GLP1R: variants seen among roughly 807,000 people sequenced by gnomAD.
The protein encoded by GLP1R is glucagon like peptide 1 receptor.
GLP1R carries 32 observed loss-of-function variants against 68.4 expected under a neutral mutation model. That is an observed-to-expected ratio of 0.47 (90% confidence interval 0.35 to 0.63). The LOEUF is 0.63. GLP1R is among the 20% of genes least tolerant of loss of function. GLP1R has a pLI of 0.00. For missense variants in GLP1R, 502 were observed against 594.9 expected (o/e 0.84, Z 1.62); for synonymous variants, 263 against 244.4 (o/e 1.08, Z -0.71).
intron 12 of GLP1R, among the ~76,000 whole-genome samples, chr6:39,085,392 T>G (rs993615066): frequency 6.6e-6 from 1 of 152,126 alleles, no homozygotes; most frequent in Non-Finnish European, 1.5e-5. Context: ...GCCACATTCC[T>G]TCCTTCCCTC....
At position 39,058,996 on chromosome 6, in the gene GLP1R, C is replaced by A. The variant is rs1354836900; in HGVS notation, c.283+1417C>A. ...TCCTGGAGGAGGTGGCCTGGTGGGGCCCAATGTAAGCTTCACCTTGGCACG... is the reference window on the plus strand; with the variant it reads ...TCCTGGAGGAGGTGGCCTGGTGGGGACCAATGTAAGCTTCACCTTGGCACG... On this transcript the variant is annotated intron_variant, in intron 3 of 12. Coordinates refer to ENST00000373256, the MANE Select transcript of GLP1R (RefSeq NM_002062.5). Among the ~76,000 whole-genome samples the A allele has an allele frequency of 4.6e-5, 7 of 152,168 alleles. No individual in the cohort carries two copies. In the South Asian group the frequency reaches 6.2e-4, roughly 13 times the overall value.
intron 5 of GLP1R, among the ~76,000 whole-genome samples, chr6:39,068,677 C>T (rs989244322): frequency 1.9e-4 from 29 of 152,192 alleles, no homozygotes; most frequent in Non-Finnish European, 8.8e-5. Context: ...TGAGTTATAC[C>T]TGGGCCCACT....
rs1769258657 is a variant in GLP1R at position 39,090,623 on chromosome 6, A to T, written c.*4550A>T. 6.6e-6 allele frequency among the ~76,000 whole-genome samples: 1 copy of T among 152,288 alleles called. No individual in the cohort carries two copies. Among genetic ancestry groups the T allele is most frequent in the African/African-American group, 2.4e-5 (1 of 41,570 alleles). On this transcript the variant is annotated 3_prime_UTR_variant, in exon 13 of 13. Coordinates refer to ENST00000373256, the MANE Select transcript of GLP1R (RefSeq NM_002062.5). ...GGATGTGATGAGGAGCAGGGCAGCC[A>T]CCAGCTTGGATCCTAACTTACATTG...
chr6:39,081,470 G>T (rs1169432238), intron 12 of GLP1R, among the ~76,000 whole-genome samples: 1 of 152,206 alleles, frequency 6.6e-6, no homozygotes, highest in Non-Finnish European at 1.5e-5. Flanking sequence ...GAAAATGTCT[G>T]CAGGACAGCA....
chr6:39,076,426 TG>T (rs1414308465), intron 7 of GLP1R, among the ~76,000 whole-genome samples: 2 of 152,142 alleles, frequency 1.3e-5, no homozygotes, highest in African/African-American at 4.8e-5. Context: ...TAGAAATCAA[TG>T]GGCCAGGAGA....
chr6:39,060,040 G>A (rs1562006050), intron 3 of GLP1R, among the ~76,000 whole-genome samples: 1 of 152,000 alleles, frequency 6.6e-6, no homozygotes, highest in Admixed American at 6.6e-5. Flanking sequence ...TTGACACTTG[G>A]AATCACCGAC....
Position 39,086,813 on chromosome 6 carries a change from C to T in GLP1R, c.*740C>T, listed in dbSNP as rs10305516. The T allele has an allele frequency of 6.6e-6, 1 of 152,544 alleles. No individual in the cohort carries two copies. Among genetic ancestry groups the T allele is most frequent in the Non-Finnish European group, 1.5e-5 (1 of 68,032 alleles). The allele number at this position is 152,544 out of a possible 1,614,324, so 9.4% of individuals were successfully genotyped here. On this transcript the variant is annotated 3_prime_UTR_variant, in exon 13 of 13. Transcript: ENST00000373256. This position sits in a 1 kb window ranked among gnomAD's most constrained non-coding sequence, Gnocchi z 4.5. ...CTCTGCCATGCCCAGAGAATCAGGGCAGGCTTGCCACCGGGGAACCCAGCC... is the reference window on the plus strand; with the variant it reads ...CTCTGCCATGCCCAGAGAATCAGGGTAGGCTTGCCACCGGGGAACCCAGCC...
intron 1 of GLP1R, among the ~76,000 whole-genome samples, chr6:39,055,583 C>T (rs4714209): frequency 0.19 from 29,501 of 152,164 alleles, 3,601 homozygotes; most frequent in Non-Finnish European, 0.27. Context: ...AGAGGGATCC[C>T]TCCCATTGCA....
In GLP1R at chr6:39,079,237, G is replaced by T. The variant is rs1445189989; in HGVS notation, c.1043+37G>T. On this transcript the variant is annotated intron_variant, in intron 10 of 12. Coordinates refer to ENST00000373256, the MANE Select transcript of GLP1R (RefSeq NM_002062.5). This position sits in a 1 kb window ranked among gnomAD's most constrained non-coding sequence, Gnocchi z 4.5. ...GAGCTGGCTTTACTGAGGACCCTCA[G>T]CAAGTGCCCCTTTCCTTCTAGCAGA... 1 of 1,384,074 alleles carries T rather than the reference G, an allele frequency of 7.2e-7. No individual in the cohort carries two copies. Among genetic ancestry groups the T allele is most frequent in the Non-Finnish European group, 1.0e-6 (1 of 969,860 alleles). 85.7% of individuals were successfully genotyped at this position (1,384,074 alleles called of 1,614,324 possible).
chr6:39,088,904 G>A lies in GLP1R; in HGVS notation c.*2831G>A, dbSNP rs1386846220. ...TGGCTTGCCCAAGGTCACAACACTAGAGGGTGGTTGAGCTGGGCCAGGACC... is the reference window on the plus strand; with the variant it reads ...TGGCTTGCCCAAGGTCACAACACTAAAGGGTGGTTGAGCTGGGCCAGGACC... On this transcript the variant is annotated 3_prime_UTR_variant, in exon 13 of 13. Coordinates refer to ENST00000373256, the MANE Select transcript of GLP1R (RefSeq NM_002062.5). Among the ~76,000 whole-genome samples, 1 of 152,210 alleles carries A rather than the reference G, an allele frequency of 6.6e-6. No individual in the cohort carries two copies. The highest frequency in any genetic ancestry group is 1.5e-5 in the Non-Finnish European group (1 of 68,028).
At position 39,056,436 on chromosome 6, in the gene GLP1R, C is replaced by T. The variant is rs141990898; in HGVS notation, c.118C>T (p.Arg40Ter). ...VSLWETVQKW[R>*]EYRRQCQRSL... ...CCTCTGGGAGACGGTGCAGAAATGGCGAGAATACCGACGCCAGTGCCAGCG... is the reference window on the plus strand; with the variant it reads ...CCTCTGGGAGACGGTGCAGAAATGGTGAGAATACCGACGCCAGTGCCAGCG... Residue 40 changes from arginine (R) to a stop codon, truncating the protein, a stop_gained, in exon 2 of 13, where the codon CGA becomes TGA. Transcript: ENST00000373256. LOFTEE classifies it high-confidence loss of function. 12 of 1,610,186 alleles carry T rather than the reference C, an allele frequency of 7.5e-6. No homozygotes were observed. The highest frequency in any genetic ancestry group is 2.7e-5 in the African/African-American group (2 of 74,822).
intron 5 of GLP1R, among the ~76,000 whole-genome samples, chr6:39,071,070 G>C (rs1768647966): frequency 6.6e-6 from 1 of 152,036 alleles, no homozygotes; most frequent in African/African-American, 2.4e-5. Flanking sequence ...TCCTTGGCTG[G>C]GTGCGGTGGC....
chr6:39,078,340 T>G lies in GLP1R; in HGVS notation c.842T>G (p.Val281Gly). Residue 281 changes from valine to glycine, a missense_variant, in exon 8 of 13, where the codon GTT (valine) becomes GGT (glycine). Val to Gly is a moderately radical substitution (Grantham distance 109). Transcript: ENST00000373256. The stretch of plus-strand genomic sequence containing the variant: ...CTCTTAGGTGTTCCCCTGCTGTTTG[T>G]TGTCCCCTGGGGCATTGTCAAGTAC... Reference protein sequence around the residue: ...SIGWGVPLLFVVPWGIVKYLY... With the variant: ...SIGWGVPLLFGVPWGIVKYLY... 1.2e-6 allele frequency: 2 copies of G among 1,612,816 alleles called. No homozygotes were observed. Among genetic ancestry groups the G allele is most frequent in the Non-Finnish European group, 1.7e-6 (2 of 1,178,820 alleles).
At chr6:39,066,790 C>T (rs1768531461) in intron 5 of GLP1R, among the ~76,000 whole-genome samples, 2 of 152,068 alleles carry the variant, frequency 1.3e-5, no homozygotes, top group African/African-American at 2.4e-5. Flanking sequence ...GAACAGAGTA[C>T]CAGGTTCTTC....
chr6:39,074,030 A>G (rs185637082), intron 7 of GLP1R, among the ~76,000 whole-genome samples: 1 of 152,216 alleles, frequency 6.6e-6, no homozygotes, highest in Non-Finnish European at 1.5e-5. Flanking sequence ...TACCACTATC[A>G]TGCACACCAC....
chr6:39,072,945 A>G lies in GLP1R; in HGVS notation c.593A>G (p.Asp198Gly), dbSNP rs1268234905. The change falls in exon 6 of 13, where the codon GAC becomes GGC. Residue 198 changes from aspartate to glycine, a missense_variant. Asp to Gly is a moderately conservative substitution (Grantham distance 94). Transcript: ENST00000373256. ...ILRALSVFIK[D>G]AALKWMYSTA... ...CGAGCATTGTCCGTCTTCATCAAGGACGCAGCCCTGAAGTGGATGTATAGC... is the reference window on the plus strand; with the variant it reads ...CGAGCATTGTCCGTCTTCATCAAGGGCGCAGCCCTGAAGTGGATGTATAGC... The G allele has an allele frequency of 6.2e-7, 1 of 1,614,092 alleles. No individual in the cohort carries two copies. The highest frequency in any genetic ancestry group is 1.7e-5 in the Admixed American group (1 of 60,022).
rs771765004 is a variant in GLP1R, at chr6:39,085,971, C to G, written c.1290C>G (p.Asp430Glu). 7 of 1,613,982 alleles carry G rather than the reference C, an allele frequency of 4.3e-6. No homozygotes were observed. The highest frequency in any genetic ancestry group is 1.7e-5 in the Admixed American group (1 of 60,016). The change falls in exon 13 of 13, where the codon GAC becomes GAG. Residue 430 changes from aspartate to glutamate, a missense_variant. Asp to Glu is a conservative substitution (Grantham distance 45, BLOSUM62 2). Coordinates refer to ENST00000373256, the MANE Select transcript of GLP1R (RefSeq NM_002062.5). ...WRLEHLHIQR[D>E]SSMKPLKCPT... ...TTGAGCACTTGCACATCCAGAGGGA[C>G]AGCAGCATGAAGCCCCTCAAGTGTC...
intron 1 of GLP1R, among the ~76,000 whole-genome samples, chr6:39,054,173 G>A (rs1269348121): frequency 1.3e-5 from 2 of 152,046 alleles, no homozygotes; most frequent in Non-Finnish European, 2.9e-5. Flanking sequence ...GTCCTGTAAA[G>A]CATTGACCCC....
At chr6:39,081,742 A>T (rs1051824543) in intron 12 of GLP1R, among the ~76,000 whole-genome samples, 1 of 152,222 alleles carries the variant, frequency 6.6e-6, no homozygotes, top group African/African-American at 2.4e-5. Context: ...AAAAGATGCA[A>T]GGATGCAGGC....
Sources: allele counts gnomAD v4.1 joint callset (sites outside exome capture counted in the v4.1 genomes callset), GRCh38; gene constraint gnomAD v4.1.1; non-coding constraint Gnocchi (gnomAD v3.1); transcripts MANE v1.5; gene names NCBI Gene and HGNC (gene_info 2026-07-23, HGNC 2026-07-21).